Variants in COL25A1 observed in about 807,000 individuals in gnomAD.
The protein encoded by COL25A1 is collagen alpha-1(XXV) chain.
A neutral mutation model predicts 128.4 loss-of-function variants in COL25A1; 103 were observed. That is an observed-to-expected ratio of 0.80 (90% CI 0.68 to 0.94). The LOEUF (loss-of-function observed/expected upper bound fraction) is 0.94, where lower values mean the gene tolerates loss of function less well. COL25A1 is among the 40% of genes least tolerant of loss of function. COL25A1 has a pLI of 0.00. For missense variants in COL25A1, 745 were observed against 840.0 expected (o/e 0.89, Z 1.40); for synonymous variants, 279 against 277.2 (o/e 1.01, Z -0.06).
intron 3 of COL25A1, among the ~76,000 whole-genome samples, chr4:109,300,155 C>T (rs542695138): frequency 6.9e-6 from 1 of 144,402 alleles, no homozygotes; most frequent in African/African-American, 2.6e-5. Flanking sequence ...CTAACATAAA[C>T]GTATGCCAAA....
chr4:108,850,902 G>A (rs764191118), intron 26 of COL25A1, among the ~76,000 whole-genome samples: 7 of 152,046 alleles, frequency 4.6e-5, no homozygotes, highest in Non-Finnish European at 1.0e-4. Flanking sequence ...TCAAAGAATG[G>A]GTGCCTTTGG....
At chr4:109,045,416 G>A (rs1338910937) in intron 5 of COL25A1, among the ~76,000 whole-genome samples, 1 of 152,200 alleles carries the variant, frequency 6.6e-6, no homozygotes, top group African/African-American at 2.4e-5. Context: ...ATTGGGTATT[G>A]CCTCTAAATA....
intron 5 of COL25A1, among the ~76,000 whole-genome samples, chr4:109,035,814 T>G (rs1759291440): frequency 6.6e-6 from 1 of 152,116 alleles, no homozygotes; most frequent in South Asian, 2.1e-4. Flanking sequence ...TTTAAAATGT[T>G]CCAACAATCT....
At chr4:109,009,207 C>G (rs1012307101) in intron 6 of COL25A1, among the ~76,000 whole-genome samples, 1 of 152,196 alleles carries the variant, frequency 6.6e-6, no homozygotes, top group South Asian at 2.1e-4. Flanking sequence ...TGTAATATGG[C>G]CATTTCAAAT....
intron 3 of COL25A1, among the ~76,000 whole-genome samples, chr4:109,234,927 A>C (rs1779372959): frequency 1.3e-5 from 2 of 152,128 alleles, no homozygotes; most frequent in African/African-American, 4.8e-5. Context: ...AATAGCCAAT[A>C]CATAACTGTA....
intron 3 of COL25A1, among the ~76,000 whole-genome samples, chr4:109,250,831 C>T (rs1329051741): frequency 6.6e-6 from 1 of 152,172 alleles, no homozygotes; most frequent in Non-Finnish European, 1.5e-5. Context: ...TGACACAACA[C>T]TAACCATCAC....
chr4:109,016,193 G>C (rs1389374236), intron 5 of COL25A1, among the ~76,000 whole-genome samples: 1 of 152,232 alleles, frequency 6.6e-6, no homozygotes, highest in South Asian at 2.1e-4. Flanking sequence ...CTCCAGGGTG[G>C]AGCAAAGTTG....
intron 3 of COL25A1, among the ~76,000 whole-genome samples, chr4:109,181,736 A>AT (rs1774644119): frequency 6.6e-6 from 1 of 152,120 alleles, no homozygotes; most frequent in Admixed American, 6.5e-5. Context: ...ACTCTCAGCA[A>AT]TTTTCAGGTA....
chr4:109,183,305 G>A (rs923757991), intron 3 of COL25A1, among the ~76,000 whole-genome samples: 4 of 152,042 alleles, frequency 2.6e-5, no homozygotes, highest in Admixed American at 1.3e-4. Flanking sequence ...GGAGAAAAAA[G>A]AGAAGACAAT....
chr4:109,019,266 CTCAGCTTGCAGA>C (rs1331679445), intron 5 of COL25A1, among the ~76,000 whole-genome samples: 2 of 151,400 alleles, frequency 1.3e-5, no homozygotes, highest in Admixed American at 6.6e-5. Flanking sequence ...CTCCTTGCTC[CTCAGCTTGCAGA>C]CAGTGTGACC....
intron 16 of COL25A1, among the ~76,000 whole-genome samples, chr4:108,894,107 G>T (rs972150166): frequency 2.0e-5 from 3 of 152,126 alleles, no homozygotes; most frequent in African/African-American, 7.2e-5. Context: ...TATTATGTGT[G>T]AGTCAGTATG....
chr4:109,167,838 C>T (rs2126127373), intron 3 of COL25A1, among the ~76,000 whole-genome samples: 1 of 152,194 alleles, frequency 6.6e-6, no homozygotes, highest in South Asian at 2.1e-4. Flanking sequence ...AGAAGACAAT[C>T]TAGAGTGACA....
intron 6 of COL25A1, among the ~76,000 whole-genome samples, chr4:109,004,030 T>C (rs1379877155): frequency 1.3e-5 from 2 of 152,134 alleles, no homozygotes; most frequent in Non-Finnish European, 2.9e-5. Flanking sequence ...CCTTTTTCCA[T>C]CTTAACCACA....
chr4:109,214,583 C>T (rs1439970003), intron 3 of COL25A1, among the ~76,000 whole-genome samples: 3 of 150,006 alleles, frequency 2.0e-5, no homozygotes, highest in Non-Finnish European at 4.4e-5. Context: ...GTACTATGAA[C>T]ATCCCCATTT....
chr4:109,263,723 C>A (rs1472593221), intron 3 of COL25A1, among the ~76,000 whole-genome samples: 2 of 152,212 alleles, frequency 1.3e-5, no homozygotes, highest in African/African-American at 4.8e-5. Context: ...TGCTTTCTGT[C>A]ACTGAGCACT....
chr4:108,933,275 T>G (rs1377434953), intron 11 of COL25A1, among the ~76,000 whole-genome samples: 1 of 152,174 alleles, frequency 6.6e-6, no homozygotes, highest in African/African-American at 2.4e-5. Context: ...CTAGTGCCTC[T>G]TAAGGCCCTT....
rs187979177 is a variant in COL25A1, at chr4:109,134,427, A to G, written c.368-84248T>C. Among the ~76,000 whole-genome samples, 643 of 152,270 alleles carry G rather than the reference A, an allele frequency of 4.2e-3. 1 individual carries two copies. The highest frequency in any genetic ancestry group is 6.8e-3 in the Middle Eastern group (2 of 294). ...ACAATGCTTAGGACAGCAATTCTCA[A>G]TCTCTGGAGTCTATTAGAACCATGT... is the stretch of plus-strand genomic sequence containing the variant. On this transcript the variant is annotated intron_variant, in intron 3 of 37. Transcript: ENST00000399132.
intron 15 of COL25A1, among the ~76,000 whole-genome samples, chr4:108,897,624 T>C (rs886574425): frequency 2.0e-5 from 3 of 152,200 alleles, no homozygotes; most frequent in African/African-American, 7.2e-5. Context: ...GTAAAGCAAC[T>C]AGGGCAGTAT....
At chr4:109,000,930 G>A (rs984617281) in intron 6 of COL25A1, among the ~76,000 whole-genome samples, 6 of 151,886 alleles carry the variant, frequency 4.0e-5, no homozygotes, top group Non-Finnish European at 8.8e-5. Context: ...AGGATTCGGA[G>A]GAAAGGCTAC....
Sources: gnomAD v4.1 joint callset for allele counts (sites outside exome capture counted in the v4.1 genomes callset) on GRCh38, gnomAD v4.1.1 for gene constraint, MANE v1.5 for transcripts, NCBI Gene and HGNC (gene_info 2026-07-23, HGNC 2026-07-21) for gene names.